The following CEND1 variants were observed in gnomAD, a reference collection of about 807,000 sequenced individuals.
The protein encoded by CEND1 is cell cycle exit and neuronal differentiation 1.
Under a neutral mutation model 4.4 loss-of-function variants are expected in CEND1, and 1 was observed. The ratio of observed to expected loss-of-function variants is 0.23; its 90% CI spans 0.08 to 1.09. The LOEUF (loss-of-function observed/expected upper bound fraction) is 1.09. CEND1 is among the 50% of genes least tolerant of loss of function. The pLI, the probability that CEND1 is intolerant of heterozygous loss-of-function variation, is 0.55. For synonymous variants in CEND1, 109 were observed against 93.0 expected, an observed-to-expected ratio of 1.17 and a Z score of -0.99; for missense variants, 213 against 201.2, an observed-to-expected ratio of 1.06 and a Z score of -0.35.
At chr11:789,662 C>G (rs967544463) in intron 1 of CEND1, among the ~76,000 whole-genome samples, 2 of 152,064 alleles carry the variant, frequency 1.3e-5, no homozygotes, top group African/African-American at 4.8e-5. Flanking sequence ...CCCCACCCCC[C>G]GCCAGGTGCA....
At position 788,329 on chromosome 11, in the gene CEND1, G is replaced by A. The variant is rs151228190; in HGVS notation, c.248C>T (p.Thr83Met). Residue 83 changes from threonine (T) to methionine (M), a missense_variant, in exon 2 of 2, where the codon ACG becomes ATG. By Grantham distance (81) the Thr-to-Met change is moderately conservative. Transcript: ENST00000330106. ...GGTTGCATCGGGACTGCTGGGGACC[G>A]TGGGGGCTGGCTTCAGGTTGCTGTG... The part of the protein sequence containing the change: ...NNHSNLKPAP[T>M]VPSSPDATPE... The A allele has an allele frequency of 3.1e-4, 498 of 1,605,934 alleles. 4 individuals are homozygous for A. In the South Asian group the frequency reaches 4.2e-3, roughly 13 times the overall value.
Position 787,968 on chromosome 11 carries a change from G to T in CEND1, c.*159C>A. On this transcript the variant is annotated 3_prime_UTR_variant, in exon 2 of 2. Coordinates refer to ENST00000330106, the MANE Select transcript of CEND1 (RefSeq NM_016564.4). ...GGAAGTCCTGGGTCAGCAGGGGTGG[G>T]CTCGGGCGTCCTCTTCACCGTGCGC... The T allele has an allele frequency of 1.9e-6, 1 of 526,166 alleles. No homozygotes were observed. The highest frequency in any genetic ancestry group is 5.2e-5 in the South Asian group (1 of 19,080). 32.6% of individuals were successfully genotyped at this position (526,166 alleles called of 1,614,324 possible).
At position 788,375 on chromosome 11, in the gene CEND1, CGGCCTT is replaced by C; in HGVS notation, c.196_201del (p.Lys66_Ala67del). On this transcript the variant is annotated inframe_deletion, in exon 2 of 2. Transcript: ENST00000330106. ...CTGTGGTTGTTGAGAAGGGCAGGGTCGGCCTTGGCCGAGGTCTTCTTGGCAGGTGCC... is the reference window on the plus strand; with the variant it reads ...CTGTGGTTGTTGAGAAGGGCAGGGTCGGCCGAGGTCTTCTTGGCAGGTGCC... 1.3e-6 allele frequency: 2 copies of C among 1,597,434 alleles called. No homozygotes were observed. The highest frequency in any genetic ancestry group is 1.7e-6 in the Non-Finnish European group (2 of 1,168,634).
intron 1 of CEND1, among the ~76,000 whole-genome samples, chr11:789,188 C>T (rs113628861): frequency 1.3e-5 from 2 of 152,024 alleles, no homozygotes; most frequent in African/African-American, 4.8e-5. Flanking sequence ...GGATCTCAGG[C>T]AGCCATCAGG....
rs1864380273 is a variant in CEND1 at position 788,013 on chromosome 11, A to G, written c.*114T>C. On this transcript the variant is annotated 3_prime_UTR_variant, in exon 2 of 2. Coordinates refer to ENST00000330106, the MANE Select transcript of CEND1 (RefSeq NM_016564.4). Reference sequence around the variant, plus strand: ...GTGCGCGTGTGTTGGGGGCGTATGTAGGTGTGTAATGAATGTGCGTGTGTA... The same window carrying G: ...GTGCGCGTGTGTTGGGGGCGTATGTGGGTGTGTAATGAATGTGCGTGTGTA... 1 of 795,836 alleles carries G rather than the reference A, an allele frequency of 1.3e-6. No individual in the cohort carries two copies. The highest frequency in any genetic ancestry group is 1.8e-6 in the Non-Finnish European group (1 of 545,882). 49.3% of individuals were successfully genotyped at this position (795,836 alleles called of 1,614,324 possible).
At chr11:789,603 G>A (rs1244059273) in intron 1 of CEND1, among the ~76,000 whole-genome samples, 1 of 152,156 alleles carries the variant, frequency 6.6e-6, no homozygotes, top group Non-Finnish European at 1.5e-5. Context: ...CCTCTCCCAG[G>A]GAAGGATGAG....
rs185245640 is a variant in CEND1, at chr11:788,688, C to G, written c.-82-30G>C. 1.1e-4 allele frequency: 119 copies of G among 1,061,622 alleles called. 1 individual carries two copies. In the South Asian group the frequency reaches 2.5e-3, roughly 22 times the overall value. 65.8% of individuals were successfully genotyped at this position (1,061,622 alleles called of 1,614,324 possible). A position where few individuals can be genotyped will look rare whatever the true frequency, so the allele number is the denominator to read the frequency against. ...AGGGAGACACAAGGGAGGCTGCGCG[C>G]GGGTCCAGTCCCCCCTGTGCTGCCC... On this transcript the variant is annotated intron_variant, in intron 1 of 1. Transcript: ENST00000330106.
rs1439045699 is a variant in CEND1 at position 788,000 on chromosome 11, TGGG to T, written c.*124_*126del. ...CGTCCTCTTCACCGTGCGCGTGTGT[TGGG>T]GGCGTATGTAGGTGTGTAATGAATG... On this transcript the variant is annotated 3_prime_UTR_variant, in exon 2 of 2. Transcript: ENST00000330106. 16 of 712,194 alleles carry T rather than the reference TGGG, an allele frequency of 2.2e-5. No homozygotes were observed. Among genetic ancestry groups the T allele is most frequent in the African/African-American group, 7.2e-5 (4 of 55,656 alleles). 44.1% of individuals were successfully genotyped at this position (712,194 alleles called of 1,614,324 possible).
chr11:788,004 G>T lies in CEND1; in HGVS notation c.*123C>A. 1.4e-6 allele frequency: 1 copy of T among 736,450 alleles called. No individual in the cohort carries two copies. The highest frequency in any genetic ancestry group is 2.0e-6 in the Non-Finnish European group (1 of 497,626). 45.6% of individuals were successfully genotyped at this position (736,450 alleles called of 1,614,324 possible). Reference sequence around the variant, plus strand: ...CTCTTCACCGTGCGCGTGTGTTGGGGGCGTATGTAGGTGTGTAATGAATGT... The same window carrying T: ...CTCTTCACCGTGCGCGTGTGTTGGGTGCGTATGTAGGTGTGTAATGAATGT... On this transcript the variant is annotated 3_prime_UTR_variant, in exon 2 of 2. Transcript: ENST00000330106.
At chr11:788,839 C>T (rs1281848453) in intron 1 of CEND1, among the ~76,000 whole-genome samples, 181 bp from the exon 2 acceptor site, 1 of 152,220 alleles carries the variant, frequency 6.6e-6, no homozygotes, top group Non-Finnish European at 1.5e-5. Flanking sequence ...TCCATGACCA[C>T]TCCTCAAGGG....
intron 1 of CEND1, among the ~76,000 whole-genome samples, chr11:789,821 A>C (rs548932447): frequency 9.9e-5 from 15 of 152,202 alleles, no homozygotes; most frequent in Admixed American, 8.5e-4. Flanking sequence ...CAAGTTTGCA[A>C]AGAGCAGGTG....
In CEND1 at chr11:787,353, GTTCTACTCT is replaced by G. The variant is rs1199930561; in HGVS notation, c.*765_*773del. Reference sequence around the variant, plus strand: ...TGTGTGACGGTCGCCGCCAAAAGCAGTTCTACTCTACCTGTTATTGCATTATACGCTGGT... The same window carrying G: ...TGTGTGACGGTCGCCGCCAAAAGCAGACCTGTTATTGCATTATACGCTGGT... On this transcript the variant is annotated 3_prime_UTR_variant, in exon 2 of 2. Transcript: ENST00000330106. The G allele has an allele frequency of 1.3e-5, 2 of 152,752 alleles. No individual in the cohort carries two copies. The highest frequency in any genetic ancestry group is 4.8e-5 in the African/African-American group (2 of 41,432). The allele number at this position is 152,752 out of a possible 1,614,324, so 9.5% of individuals were successfully genotyped here.
At chr11:788,723 G>T in intron 1 of CEND1, 65 bp from the exon 2 acceptor site, 1 of 670,448 alleles carries the variant, frequency 1.5e-6, no homozygotes, top group Non-Finnish European at 2.2e-6. Flanking sequence ...CCGACCACCT[G>T]GTCCCCAGGC....
rs1433613102 is a variant in CEND1, at chr11:787,223, T to C, written c.*904A>G. 2 of 152,586 alleles carry C rather than the reference T, an allele frequency of 1.3e-5. No individual in the cohort carries two copies. Among genetic ancestry groups the C allele is most frequent in the African/African-American group, 4.8e-5 (2 of 41,436 alleles). 9.5% of individuals were successfully genotyped at this position (152,586 alleles called of 1,614,324 possible). ...GTTCTCACAGTGCCCACCACCACCT[T>C]CTGGGAGTTCGCCTGCTGCTGCGCG... On this transcript the variant is annotated 3_prime_UTR_variant, in exon 2 of 2. Transcript: ENST00000330106.
Position 787,880 on chromosome 11 carries a change from C to T in CEND1, c.*247G>A. On this transcript the variant is annotated 3_prime_UTR_variant, in exon 2 of 2. Coordinates refer to ENST00000330106, the MANE Select transcript of CEND1 (RefSeq NM_016564.4). ...CCTTTCTTGCCGTTCCCCAGCTGTGCCCTCGCCCCACATCCTGTGCTGTGG... is the reference window on the plus strand; with the variant it reads ...CCTTTCTTGCCGTTCCCCAGCTGTGTCCTCGCCCCACATCCTGTGCTGTGG... 8.8e-6 allele frequency: 3 copies of T among 341,952 alleles called. No individual in the cohort carries two copies. Among genetic ancestry groups the T allele is most frequent in the South Asian group, 1.4e-4 (1 of 6,964 alleles). 21.2% of individuals were successfully genotyped at this position (341,952 alleles called of 1,614,324 possible). A position where few individuals can be genotyped will look rare whatever the true frequency, so the allele number is the denominator to read the frequency against.
intron 1 of CEND1, among the ~76,000 whole-genome samples, chr11:789,660 C>G (rs1171284803): frequency 6.6e-6 from 1 of 152,062 alleles, no homozygotes; most frequent in South Asian, 2.1e-4. Context: ...TTCCCCACCC[C>G]CCGCCAGGTG....
In CEND1 at chr11:788,423, G is replaced by T. The variant is rs1459287694; in HGVS notation, c.154C>A (p.Pro52Thr). Residue 52 changes from proline (P) to threonine (T), a missense_variant, in exon 2 of 2, where the codon CCA (proline) becomes ACA (threonine). Transcript: ENST00000330106. ...KEAPAEKQQP[P>T]AAPTTAPAKK... ...GCAGGTGCCGTGGTGGGGGCTGCTG[G>T]CGGCTGCTGCTTCTCGGCCGGGGCC... The T allele has an allele frequency of 1.3e-6, 2 of 1,584,534 alleles. No individual in the cohort carries two copies. Among genetic ancestry groups the T allele is most frequent in the Admixed American group, 3.6e-5 (2 of 56,148 alleles).
chr11:789,404 T>C (rs950980019), intron 1 of CEND1, among the ~76,000 whole-genome samples: 2 of 152,174 alleles, frequency 1.3e-5, no homozygotes, highest in Non-Finnish European at 2.9e-5. Context: ...AGAGGGTTCC[T>C]GGCGTTAAAC....
Position 790,076 on chromosome 11 carries a change from G to C in CEND1, c.-129C>G, listed in dbSNP as rs1590114743. The stretch of plus-strand genomic sequence containing the variant: ...GCTGCGCGCTCCTCCGCGGGATGAC[G>C]GCGGCTGCGAACGCGGAGGAGAGCT... On this transcript the variant is annotated 5_prime_UTR_variant, in exon 1 of 2. Transcript: ENST00000330106. The C allele has an allele frequency of 6.6e-6, 1 of 152,460 alleles. No homozygotes were observed. The highest frequency in any genetic ancestry group is 6.5e-5 in the Admixed American group (1 of 15,278). 9.4% of individuals were successfully genotyped at this position (152,460 alleles called of 1,614,324 possible).
Sources: gnomAD v4.1 joint callset for allele counts (sites outside exome capture counted in the v4.1 genomes callset) on GRCh38, gnomAD v4.1.1 for gene constraint, MANE v1.5 for transcripts, NCBI Gene and HGNC (gene_info 2026-07-23, HGNC 2026-07-21) for gene names.